The following TCAIM variants were observed in gnomAD, a reference collection of about 807,000 sequenced individuals.
The protein encoded by TCAIM is T-cell activation inhibitor, mitochondrial.
A neutral mutation model predicts 58.6 loss-of-function variants in TCAIM; 36 were observed. The ratio of observed to expected loss-of-function variants is 0.61; its 90% CI spans 0.47 to 0.81. TCAIM has a LOEUF of 0.81. TCAIM is among the 30% of genes least tolerant of loss of function. TCAIM has a pLI of 0.00. For missense variants in TCAIM, 466 were observed against 579.6 expected, an observed-to-expected ratio of 0.80 and a Z score of 2.01; for synonymous variants, 172 against 193.6, an observed-to-expected ratio of 0.89 and a Z score of 0.93.
intron 7 of TCAIM, 49 bp downstream of exon 7, chr3:44,396,546 G>A (rs1008194267): frequency 7.8e-6 from 12 of 1,544,724 alleles, no homozygotes; most frequent in East Asian, 2.3e-5. Flanking sequence ...TGCTATGTAC[G>A]TCTATAAATT....
At chr3:44,396,661 C>A in intron 7 of TCAIM, 82 bp from the exon 8 acceptor site, 1 of 1,493,674 alleles carries the variant, frequency 6.7e-7, no homozygotes, top group African/African-American at 1.4e-5. Context: ...TGAATTTAAT[C>A]CTGGGTTTAT....
chr3:44,398,056 C>G (rs193149704), intron 8 of TCAIM, among the ~76,000 whole-genome samples: 417 of 150,760 alleles, frequency 2.8e-3, no homozygotes, highest in Non-Finnish European at 4.7e-3. Context: ...ACTAGAAAAA[C>G]CAATCCAACC....
intron 5 of TCAIM, among the ~76,000 whole-genome samples, chr3:44,375,570 T>C (rs770058514): frequency 1.8e-4 from 28 of 152,180 alleles, no homozygotes; most frequent in Non-Finnish European, 3.4e-4. Flanking sequence ...GCCTCCAACA[T>C]TGGGGATTAA....
In TCAIM at chr3:44,392,913, C is replaced by G. The variant is rs768684278; in HGVS notation, c.631C>G (p.Leu211Val). Reference protein sequence around the residue: ...AVKKLKNSLPLRKELDRLKDE... With the variant: ...AVKKLKNSLPVRKELDRLKDE... Reference sequence around the variant, plus strand: ...TAAAAAGCTAAAGAACAGTTTGCCACTTAGAAAAGAACTAGATCGTTTAAA... The same window carrying G: ...TAAAAAGCTAAAGAACAGTTTGCCAGTTAGAAAAGAACTAGATCGTTTAAA... Residue 211 changes from leucine (L) to valine (V), a missense_variant, in exon 6 of 11, where the codon CTT (leucine) becomes GTT (valine). Leu to Val is a conservative substitution (Grantham distance 32). Coordinates refer to ENST00000342649, the MANE Select transcript of TCAIM (RefSeq NM_173826.4). The G allele has an allele frequency of 6.2e-7, 1 of 1,613,476 alleles. No homozygotes were observed. The highest frequency in any genetic ancestry group is 8.5e-7 in the Non-Finnish European group (1 of 1,179,628).
At chr3:44,365,183 T>C (rs1701354479) in intron 4 of TCAIM, among the ~76,000 whole-genome samples, 1 of 152,228 alleles carries the variant, frequency 6.6e-6, no homozygotes, top group South Asian at 2.1e-4. Context: ...AATAATTCCC[T>C]TGCCAGTAGT....
intron 4 of TCAIM, among the ~76,000 whole-genome samples, chr3:44,363,920 CTTTTTTTTTTT>C (rs56361211): frequency 5.9e-5 from 4 of 67,390 alleles, no homozygotes; most frequent in East Asian, 1.5e-3. Flanking sequence ...GCAAGTCTGT[CTTTTTTTTTTT>C]TTTTTTTTTT....
intron 8 of TCAIM, among the ~76,000 whole-genome samples, chr3:44,399,487 T>A (rs1056881277): frequency 6.6e-6 from 1 of 152,202 alleles, no homozygotes. Context: ...TGGCTTTTAA[T>A]AGAAAATCTT....
At chr3:44,385,826 C>T (rs373934931) in intron 5 of TCAIM, among the ~76,000 whole-genome samples, 2 of 152,228 alleles carry the variant, frequency 1.3e-5, no homozygotes, top group Non-Finnish European at 1.5e-5. Flanking sequence ...AATTCAGAAA[C>T]ACACGATGGT....
At chr3:44,382,109 A>G (rs1454849391) in intron 5 of TCAIM, among the ~76,000 whole-genome samples, 1 of 152,156 alleles carries the variant, frequency 6.6e-6, no homozygotes, top group Non-Finnish European at 1.5e-5. Context: ...TTTTTGCACA[A>G]ATAGAAAAAC....
intron 2 of TCAIM, 130 bp from the exon 3 acceptor site, chr3:44,357,611 C>G: frequency 8.1e-7 from 1 of 1,233,788 alleles, no homozygotes; most frequent in Non-Finnish European, 1.1e-6. Context: ...TAATAGATTT[C>G]AGAAAACCAC....
intron 5 of TCAIM, among the ~76,000 whole-genome samples, chr3:44,385,917 A>G (rs919741680): frequency 3.9e-5 from 6 of 152,204 alleles, no homozygotes; most frequent in Admixed American, 3.9e-4. Context: ...CACATATTCA[A>G]GAATAAAGAC....
chr3:44,404,490 G>C (rs1296807359), intron 10 of TCAIM, among the ~76,000 whole-genome samples: 1 of 151,764 alleles, frequency 6.6e-6, no homozygotes, highest in African/African-American at 2.4e-5. Flanking sequence ...CCTATACTTA[G>C]CCCCCAAGAA....
chr3:44,391,504 A>T (rs905770004), intron 5 of TCAIM, among the ~76,000 whole-genome samples: 1 of 152,136 alleles, frequency 6.6e-6, no homozygotes, highest in African/African-American at 2.4e-5. Context: ...CATTTTTGAT[A>T]TTTAGTTCTT....
chr3:44,395,097 C>T (rs971430008), intron 6 of TCAIM, among the ~76,000 whole-genome samples: 5 of 150,472 alleles, frequency 3.3e-5, no homozygotes, highest in African/African-American at 1.2e-4. Context: ...CAAACAGAAA[C>T]ATTAACTAAT....
Position 44,341,156 on chromosome 3 carries a change from GGA to G in TCAIM, c.-45+2328_-45+2329del, listed in dbSNP as rs574874070. 6.6e-5 allele frequency: 10 copies of G among 152,080 alleles called. No individual in the cohort carries two copies. The East Asian group carries it at 1.9e-3, about 29-fold the overall frequency. The allele number at this position is 152,080 out of a possible 1,614,324, so 9.4% of individuals were successfully genotyped here. ...GAAATATGAATTGGCTGCCATTGTG[GGA>G]GAGAGGAGAATTATTGGAAAAAGGA... is the stretch of plus-strand genomic sequence containing the variant. On this transcript the variant is annotated intron_variant, in intron 1 of 10. Transcript: ENST00000342649.
chr3:44,407,771 T>C lies in TCAIM; in HGVS notation c.*89T>C. Reference sequence around the variant, plus strand: ...CCACAATTTGATATAACAGTATTATTTACATAAGAACAAAGTTTCTAACTG... The same window carrying C: ...CCACAATTTGATATAACAGTATTATCTACATAAGAACAAAGTTTCTAACTG... On this transcript the variant is annotated 3_prime_UTR_variant, in exon 11 of 11. Coordinates refer to ENST00000342649, the MANE Select transcript of TCAIM (RefSeq NM_173826.4). 7.6e-7 allele frequency: 1 copy of C among 1,313,020 alleles called. No individual in the cohort carries two copies. The highest frequency in any genetic ancestry group is 1.0e-6 in the Non-Finnish European group (1 of 987,552). 81.3% of individuals were successfully genotyped at this position (1,313,020 alleles called of 1,614,324 possible).
intron 1 of TCAIM, among the ~76,000 whole-genome samples, chr3:44,353,517 GC>G (rs1230360933): frequency 2.0e-5 from 3 of 152,176 alleles, no homozygotes; most frequent in Non-Finnish European, 4.4e-5. Context: ...TTCCAAAGTG[GC>G]TGCACCTGTT....
At chr3:44,398,656 A>C (rs1219096483) in intron 8 of TCAIM, among the ~76,000 whole-genome samples, 1 of 152,212 alleles carries the variant, frequency 6.6e-6, no homozygotes. Context: ...GTTTCTTACA[A>C]AACTAAACAT....
At position 44,407,590 on chromosome 3, in the gene TCAIM, A is replaced by G; in HGVS notation, c.1399A>G (p.Met467Val). 1 of 1,614,000 alleles carries G rather than the reference A, an allele frequency of 6.2e-7. No individual in the cohort carries two copies. Among genetic ancestry groups the G allele is most frequent in the Non-Finnish European group, 8.5e-7 (1 of 1,179,948 alleles). The change falls in exon 11 of 11, where the codon ATG (methionine) becomes GTG (valine). Residue 467 changes from methionine to valine, a missense_variant. Transcript: ENST00000342649. ...LEQSLPYLHG[M>V]HLCISHFYSV... is the part of the protein sequence containing the mutation. ...ACAATCACTGCCTTACCTACATGGG[A>G]TGCACCTCTGCATTTCACATTTTTA...
Sources: gnomAD v4.1 joint callset for allele counts (sites outside exome capture counted in the v4.1 genomes callset) on GRCh38, gnomAD v4.1.1 for gene constraint, MANE v1.5 for transcripts, NCBI Gene and HGNC (gene_info 2026-07-23, HGNC 2026-07-21) for gene names.